Variants in TRPM8 observed in about 807,000 individuals in gnomAD.
TRPM8 encodes the protein TRPM8 cationic channel.
A neutral mutation model predicts 133.7 loss-of-function variants in TRPM8; 110 were observed. That is an observed-to-expected ratio of 0.82 (90% CI 0.70 to 0.96). The LOEUF (loss-of-function observed/expected upper bound fraction) is 0.96, where lower values mean the gene tolerates loss of function less well. Among genes scored for constraint, TRPM8 ranks in the 40% least tolerant of loss-of-function variants. The pLI, the probability that TRPM8 is intolerant of heterozygous loss-of-function variation, is 0.00. For synonymous variants in TRPM8, 535 were observed against 532.3 expected (o/e 1.01, Z -0.07); for missense variants, 1,291 against 1,379.5 (o/e 0.94, Z 1.02).
chr2:233,925,101 G>A (rs1691488355), intron 1 of TRPM8, among the ~76,000 whole-genome samples: 1 of 152,228 alleles, frequency 6.6e-6, no homozygotes. Flanking sequence ...GTGTGGCTGA[G>A]TGGTGGGTCT....
Position 234,014,639 on chromosome 2 carries a change from A to G in TRPM8, c.*27A>G, listed in dbSNP as rs1430609223. The G allele has an allele frequency of 7.5e-7, 1 of 1,324,648 alleles. No individual in the cohort carries two copies. Among genetic ancestry groups the G allele is most frequent in the Non-Finnish European group, 1.0e-6 (1 of 962,562 alleles). 82.1% of individuals were successfully genotyped at this position (1,324,648 alleles called of 1,614,324 possible). On this transcript the variant is annotated 3_prime_UTR_variant, in exon 25 of 26. Transcript: ENST00000324695. The stretch of plus-strand genomic sequence containing the variant: ...ACTGTATGAACTCTAATGGAGAAAA[A>G]TCTAATTATAGCAAGGTGAGTCATT...
At chr2:233,978,910 G>T (rs147051066) in intron 17 of TRPM8, among the ~76,000 whole-genome samples, 56 of 152,286 alleles carry the variant, frequency 3.7e-4, no homozygotes, top group Non-Finnish European at 6.5e-4. Context: ...GAAAGGAAAT[G>T]CTTCTTGAGA....
intron 22 of TRPM8, among the ~76,000 whole-genome samples, chr2:234,005,955 C>A (rs915467900): frequency 2.6e-5 from 4 of 151,426 alleles, no homozygotes; most frequent in African/African-American, 9.7e-5. Flanking sequence ...CACACACACA[C>A]ACACACACAC....
In TRPM8 at chr2:234,015,834, A is replaced by C. The variant is rs1281606011; in HGVS notation, c.*42+1180A>C. On this transcript the variant is annotated intron_variant, in intron 25 of 25. Transcript: ENST00000324695. Reference sequence around the variant, plus strand: ...ATCGTATTTAATGAAAACACTATTAAACCTTATAATAAATTACAATTTGGG... The same window carrying C: ...ATCGTATTTAATGAAAACACTATTACACCTTATAATAAATTACAATTTGGG... Among the ~76,000 whole-genome samples the C allele has an allele frequency of 1.8e-4, 28 of 152,224 alleles. 1 individual carries two copies. The highest frequency in any genetic ancestry group is 1.8e-3 in the Admixed American group (28 of 15,284).
At chr2:233,922,924 AG>A (rs1461339905) in intron 1 of TRPM8, among the ~76,000 whole-genome samples, 2 of 152,100 alleles carry the variant, frequency 1.3e-5, no homozygotes, top group East Asian at 3.8e-4. Context: ...GCTGCAGTGC[AG>A]TGGCACGATC....
At chr2:233,996,953 C>G (rs967859184) in intron 22 of TRPM8, among the ~76,000 whole-genome samples, 4 of 152,022 alleles carry the variant, frequency 2.6e-5, no homozygotes, top group African/African-American at 9.7e-5. Context: ...TTTGAGAAAA[C>G]ATCATCTCAG....
intron 17 of TRPM8, among the ~76,000 whole-genome samples, chr2:233,971,868 C>CT (rs917120508): frequency 6.8e-6 from 1 of 147,012 alleles, no homozygotes; most frequent in African/African-American, 2.6e-5. Flanking sequence ...CCACTGCTGG[C>CT]TCGCGCAGCC....
At position 234,008,795 on chromosome 2, in the gene TRPM8, G is replaced by A. The variant is rs200187563; in HGVS notation, c.3264+692G>A. Among the ~76,000 whole-genome samples the A allele has an allele frequency of 2.0e-5, 3 of 152,258 alleles. No individual in the cohort carries two copies. The East Asian group carries it at 5.8e-4, about 29-fold the overall frequency. ...TCCACCACCCAGTACCTTGACCATAGTAGAGCCTTAATAAATGTTTATTGA... is the reference window on the plus strand; with the variant it reads ...TCCACCACCCAGTACCTTGACCATAATAGAGCCTTAATAAATGTTTATTGA... On this transcript the variant is annotated intron_variant, in intron 24 of 25. Transcript: ENST00000324695.
chr2:234,016,962 A>C (rs1692971073), intron 25 of TRPM8, among the ~76,000 whole-genome samples: 1 of 152,194 alleles, frequency 6.6e-6, no homozygotes, highest in African/African-American at 2.4e-5. Flanking sequence ...GTTTTAATTC[A>C]GTTTTTAAAA....
chr2:233,988,234 TG>T (rs1692195290), intron 21 of TRPM8, among the ~76,000 whole-genome samples: 1 of 152,088 alleles, frequency 6.6e-6, no homozygotes, highest in Admixed American at 6.6e-5. Context: ...ACTTGTCCTC[TG>T]TCTGGATTGC....
intron 3 of TRPM8, 148 bp from the exon 4 acceptor site, chr2:233,937,205 T>C: frequency 9.9e-7 from 1 of 1,010,088 alleles, no homozygotes; most frequent in Non-Finnish European, 1.4e-6. Context: ...CACATCAAAC[T>C]AGTTTCTACA....
At chr2:234,004,558 T>A (rs1271664290) in intron 22 of TRPM8, among the ~76,000 whole-genome samples, 1 of 152,378 alleles carries the variant, frequency 6.6e-6, no homozygotes, top group Non-Finnish European at 1.5e-5. Context: ...ATTTTTCAAA[T>A]GACTTTCAGA....
Position 234,014,609 on chromosome 2 carries a change from A to G in TRPM8, c.3312A>G (p.Lys1104=). 6.5e-7 allele frequency: 1 copy of G among 1,528,406 alleles called. No individual in the cohort carries two copies. The highest frequency in any genetic ancestry group is 8.8e-7 in the Non-Finnish European group (1 of 1,130,966). 94.7% of individuals were successfully genotyped at this position (1,528,406 alleles called of 1,614,324 possible). Residue 1104 remains lysine, a synonymous_variant, in exon 25 of 26, where the codon AAA becomes AAG. Transcript: ENST00000324695. ...TGAAAGAGATTGCTAATAAAATCAA[A>G]TAAAACTGTATGAACTCTAATGGAG... ...GLLKEIANKI[K] is the part of the protein sequence containing the mutation.
At chr2:233,964,984 AT>A (rs1272532937) in intron 14 of TRPM8, among the ~76,000 whole-genome samples, 1 of 146,110 alleles carries the variant, frequency 6.8e-6, no homozygotes, top group Non-Finnish European at 1.5e-5. Context: ...CTCTGATCCC[AT>A]GGCCACCCAG....
chr2:234,005,997 A>G (rs939568345), intron 22 of TRPM8, among the ~76,000 whole-genome samples: 2 of 151,662 alleles, frequency 1.3e-5, no homozygotes, highest in Admixed American at 6.6e-5. Context: ...CCATGTGCAT[A>G]TTGGTTCTGT....
chr2:233,922,870 ATTCTTTT>A (rs1175226182), intron 1 of TRPM8, among the ~76,000 whole-genome samples: 4 of 151,736 alleles, frequency 2.6e-5, no homozygotes. Context: ...TTTTATGTTT[ATTCTTTT>A]TTCTTTTTTG....
chr2:233,984,976 C>T lies in TRPM8; in HGVS notation c.2762-712C>T, dbSNP rs1006955916. On this transcript the variant is annotated intron_variant, in intron 20 of 25. Coordinates refer to ENST00000324695, the MANE Select transcript of TRPM8 (RefSeq NM_024080.5). ...GCATGCGCCTATAGTCCCAGCTACT[C>T]GGGAGGCTGAGGCAGGAGAATCACT... Among the ~76,000 whole-genome samples the T allele has an allele frequency of 7.2e-5, 11 of 151,766 alleles. No individual in the cohort carries two copies. In the East Asian group the frequency reaches 1.9e-3, roughly 27 times the overall value.
chr2:234,000,866 ACAGGTTTCG>A (rs1402647229), intron 22 of TRPM8, among the ~76,000 whole-genome samples: 2 of 152,072 alleles, frequency 1.3e-5, no homozygotes, highest in Non-Finnish European at 2.9e-5. Flanking sequence ...TTTAGTAGGG[ACAGGTTTCG>A]CCATGTTGGC....
chr2:234,007,022 C>A, intron 23 of TRPM8, 70 bp downstream of exon 23: 1 of 1,128,240 alleles, frequency 8.9e-7, no homozygotes, highest in Non-Finnish European at 1.3e-6. Context: ...ACGTAGGCAG[C>A]TTATTTGAGC....
Sources: allele counts gnomAD v4.1 joint callset (sites outside exome capture counted in the v4.1 genomes callset), GRCh38; gene constraint gnomAD v4.1.1; transcripts MANE v1.5; gene names NCBI Gene and HGNC (gene_info 2026-07-23, HGNC 2026-07-21).